Variants in KMT2C observed in about 807,000 individuals in gnomAD.
The protein encoded by KMT2C is lysine methyltransferase 2C.
Under a neutral mutation model 507.9 loss-of-function variants are expected in KMT2C, and 88 were observed. The observed-to-expected ratio is 0.17, with a 90% CI of 0.15 to 0.21. KMT2C has a LOEUF of 0.21. Ranked by LOEUF, KMT2C falls within the 10% of genes least tolerant of loss-of-function variation. The pLI, the probability that KMT2C is intolerant of heterozygous loss-of-function variation, is 1.00. For synonymous variants in KMT2C, 2,049 were observed against 2,080.8 expected (o/e 0.98, Z 0.42); for missense variants, 4,954 against 5,957.8 (o/e 0.83, Z 5.55).
chr7:152,243,982 C>G (rs1563552445), intron 14 of KMT2C, among the ~76,000 whole-genome samples: 1 of 151,964 alleles, frequency 6.6e-6, no homozygotes, highest in Non-Finnish European at 1.5e-5. Context: ...GTAAATAATA[C>G]AAGAAGACCT....
intron 1 of KMT2C, among the ~76,000 whole-genome samples, chr7:152,372,258 C>T (rs1169991848): frequency 6.6e-6 from 1 of 152,074 alleles, no homozygotes; most frequent in African/African-American, 2.4e-5. Flanking sequence ...TGGGTTCAAG[C>T]GATTCACCTG....
intron 23 of KMT2C, among the ~76,000 whole-genome samples, chr7:152,215,388 C>T (rs940889573): frequency 9.9e-5 from 15 of 151,602 alleles, no homozygotes; most frequent in African/African-American, 3.4e-4. Flanking sequence ...GTGGCAGGTG[C>T]CTGTAGTCCC....
At chr7:152,333,779 G>A (rs28575926) in intron 2 of KMT2C, among the ~76,000 whole-genome samples, 2,724 of 152,128 alleles carry the variant, frequency 0.018, 91 homozygotes, top group African/African-American at 0.063. Flanking sequence ...TAAAACTAAT[G>A]ATAACATGAA....
At chr7:152,317,601 T>A (rs1202410895) in intron 3 of KMT2C, among the ~76,000 whole-genome samples, 1 of 152,212 alleles carries the variant, frequency 6.6e-6, no homozygotes, top group African/African-American at 2.4e-5. Context: ...AAGAAATTGC[T>A]AGAAGCCAAG....
chr7:152,344,005 T>C (rs2097026352), intron 2 of KMT2C, among the ~76,000 whole-genome samples: 1 of 152,114 alleles, frequency 6.6e-6, no homozygotes, highest in Admixed American at 6.5e-5. Context: ...AAAAAAAAAC[T>C]TTTTTCTTAT....
chr7:152,182,224 G>A lies in KMT2C; in HGVS notation c.5636C>T (p.Pro1879Leu), dbSNP rs745965490. Residue 1879 changes from proline to leucine, a missense_variant, in exon 36 of 59, where the codon CCG becomes CTG. Coordinates refer to ENST00000262189, the MANE Select transcript of KMT2C (RefSeq NM_170606.3). The part of the protein sequence containing the change: ...SQAQTSQPPS[P>L]QVFSPGSSNS... Reference sequence around the variant, plus strand: ...AGAGGACCCAGGTGAAAACACTTGCGGTGAGGGTGGCTGAGAAGTCTGAGC... The same window carrying A: ...AGAGGACCCAGGTGAAAACACTTGCAGTGAGGGTGGCTGAGAAGTCTGAGC... 6.8e-6 allele frequency: 11 copies of A among 1,614,034 alleles called. No individual in the cohort carries two copies. Among genetic ancestry groups the A allele is most frequent in the East Asian group, 4.5e-5 (2 of 44,874 alleles).
chr7:152,162,699 A>T lies in KMT2C; in HGVS notation c.10878T>A (p.His3626Gln). Residue 3626 changes from histidine (H) to glutamine (Q), a missense_variant, in exon 43 of 59, where the codon CAT becomes CAA. Around this residue, in one of 29 missense-constraint regions of KMT2C, gnomAD observed 801 missense variants for 751.2 expected, o/e 1.07. Transcript: ENST00000262189. ...GAGTCGGTGGGGCAGTTATATCTGAATGGGGAGTTGATGGAGCCTTGGTGG... is the reference window on the plus strand; with the variant it reads ...GAGTCGGTGGGGCAGTTATATCTGATTGGGGAGTTGATGGAGCCTTGGTGG... ...AESTKAPSTP[H>Q]SDITAPPTPG... The T allele has an allele frequency of 6.2e-7, 1 of 1,614,174 alleles. No homozygotes were observed. Among genetic ancestry groups the T allele is most frequent in the South Asian group, 1.1e-5 (1 of 91,086 alleles).
chr7:152,137,159 T>A (rs1452149387), intron 58 of KMT2C: 23 of 466,416 alleles, frequency 4.9e-5, no homozygotes, highest in Non-Finnish European at 8.6e-5. Flanking sequence ...AACGGGAGCC[T>A]GACCAGAGAA....
chr7:152,203,157 A>T, intron 25 of KMT2C, 93 bp from the exon 26 acceptor site: 1 of 922,808 alleles, frequency 1.1e-6, no homozygotes, highest in South Asian at 2.5e-5. Flanking sequence ...ACATACACAC[A>T]GTTTCATATA....
At chr7:152,151,208 C>T (rs1332146362) in intron 50 of KMT2C, among the ~76,000 whole-genome samples, 1 of 152,158 alleles carries the variant, frequency 6.6e-6, no homozygotes, top group Non-Finnish European at 1.5e-5. Context: ...ACTATGTGGT[C>T]CACGGTTCAC....
intron 8 of KMT2C, 130 bp from the exon 9 acceptor site, chr7:152,263,260 C>T: frequency 2.9e-6 from 2 of 681,356 alleles, no homozygotes; most frequent in South Asian, 4.5e-5. Flanking sequence ...TTTGTCTCTG[C>T]AGATAGTAAC....
At chr7:152,360,898 TAA>T (rs2097191779) in intron 1 of KMT2C, among the ~76,000 whole-genome samples, 1 of 151,274 alleles carries the variant, frequency 6.6e-6, no homozygotes, top group Non-Finnish European at 1.5e-5. Context: ...GTTTTATAAT[TAA>T]ACTACTAAAA....
At chr7:152,360,307 G>C (rs1438153099) in intron 1 of KMT2C, among the ~76,000 whole-genome samples, 3 of 151,656 alleles carry the variant, frequency 2.0e-5, no homozygotes, top group African/African-American at 7.3e-5. Flanking sequence ...GCGAAACCTC[G>C]TCTCTACTAA....
chr7:152,241,571 C>T (rs1388271488), intron 14 of KMT2C, among the ~76,000 whole-genome samples: 1 of 152,174 alleles, frequency 6.6e-6, no homozygotes, highest in East Asian at 1.9e-4. Context: ...TCCCGGTGAA[C>T]CATCATCTCT....
intron 6 of KMT2C, among the ~76,000 whole-genome samples, chr7:152,307,273 GAAA>G (rs2096628233): frequency 3.5e-5 from 4 of 113,458 alleles, no homozygotes; most frequent in East Asian, 4.9e-4. Flanking sequence ...AAGGAAGGAA[GAAA>G]GAAAGGAAGG....
chr7:152,167,053 A>C, intron 42 of KMT2C, 93 bp downstream of exon 42: 1 of 1,024,170 alleles, frequency 9.8e-7, no homozygotes, highest in Non-Finnish European at 1.5e-6. Flanking sequence ...CTAGTCAAAA[A>C]AAATCACTAG....
rs1378562214 is a variant in KMT2C at position 152,152,882 on chromosome 7, T to C, written c.12349A>G (p.Ser4117Gly). ...VRIPNSYEVS[S>G]APDVPSMGLV... ...CCCATGGATGGGACATCTGGAGCACTGCTAACCTCATAGCTGTTAGGGATT... is the reference window on the plus strand; with the variant it reads ...CCCATGGATGGGACATCTGGAGCACCGCTAACCTCATAGCTGTTAGGGATT... The change falls in exon 49 of 59, where the codon AGT becomes GGT. Residue 4117 changes from serine to glycine, a missense_variant. Around this residue, in one of 29 missense-constraint regions of KMT2C, gnomAD observed 417 missense variants for 461.1 expected, o/e 0.90. Transcript: ENST00000262189. 4.3e-6 allele frequency: 7 copies of C among 1,614,192 alleles called. No homozygotes were observed.
chr7:152,332,704 C>T (rs961172322), intron 2 of KMT2C, among the ~76,000 whole-genome samples: 1 of 152,066 alleles, frequency 6.6e-6, no homozygotes, highest in South Asian at 2.1e-4. Context: ...TAAAATTAGC[C>T]GGGCTTGGTG....
At chr7:152,239,173 A>G (rs2095338232) in intron 14 of KMT2C, 1 of 191,264 alleles carries the variant, frequency 5.2e-6, no homozygotes, top group Non-Finnish European at 1.1e-5. Flanking sequence ...TTAAGAATTA[A>G]CACTAGAAGA....
Sources: allele counts gnomAD v4.1 joint callset (sites outside exome capture counted in the v4.1 genomes callset), GRCh38; gene constraint gnomAD v4.1.1; regional missense constraint gnomAD v4.1.1; transcripts MANE v1.5; gene names NCBI Gene and HGNC (gene_info 2026-07-23, HGNC 2026-07-21).